RARB: variants seen among roughly 807,000 people sequenced by gnomAD.
The protein encoded by RARB is retinoic acid receptor beta.
RARB carries 17 observed loss-of-function variants against 51.9 expected under a neutral mutation model. That is an observed-to-expected ratio of 0.33 (90% CI 0.22 to 0.49). The LOEUF (loss-of-function observed/expected upper bound fraction) is 0.49, where lower values mean the gene tolerates loss of function less well. Ranked by LOEUF, RARB falls within the 20% of genes least tolerant of loss-of-function variation. The pLI is 0.99. For synonymous variants in RARB, 215 were observed against 195.4 expected, an observed-to-expected ratio of 1.10 and a Z score of -0.84; for missense variants, 369 against 550.8, an observed-to-expected ratio of 0.67 and a Z score of 3.30.
At chr3:25,163,625 G>T (rs989908201) in intron 4 of RARB, among the ~76,000 whole-genome samples, 6 of 151,066 alleles carry the variant, frequency 4.0e-5, no homozygotes, top group African/African-American at 1.5e-4. Flanking sequence ...GGAACACACA[G>T]AAATTAATAA....
chr3:24,974,553 C>G (rs1696470030), intron 2 of RARB, among the ~76,000 whole-genome samples: 1 of 152,076 alleles, frequency 6.6e-6, no homozygotes. Flanking sequence ...TGAAGCAAAT[C>G]TCTTTATTTT....
intron 5 of RARB, among the ~76,000 whole-genome samples, chr3:25,247,372 C>T (rs934733291): frequency 1.3e-5 from 2 of 152,144 alleles, no homozygotes; most frequent in Non-Finnish European, 2.9e-5. Context: ...GGGATACAAA[C>T]AAAAACTCTG....
chr3:24,985,761 T>G (rs1392741688), intron 2 of RARB, among the ~76,000 whole-genome samples: 1 of 152,222 alleles, frequency 6.6e-6, no homozygotes, highest in African/African-American at 2.4e-5. Flanking sequence ...TTTTGTACTT[T>G]GCACAGTAGC....
intron 3 of RARB, among the ~76,000 whole-genome samples, chr3:25,521,254 C>T (rs1004953205): frequency 2.6e-5 from 4 of 152,138 alleles, no homozygotes; most frequent in African/African-American, 4.8e-5. Context: ...AGAACTTCCC[C>T]GGCCTACTTA....
intron 5 of RARB, among the ~76,000 whole-genome samples, chr3:25,373,916 C>T (rs1211967001): frequency 6.6e-6 from 1 of 152,096 alleles, no homozygotes; most frequent in East Asian, 1.9e-4. Flanking sequence ...CGTGAGAAGC[C>T]AGAGCAGTGT....
intron 5 of RARB, among the ~76,000 whole-genome samples, chr3:25,351,979 T>C (rs773109131): frequency 6.6e-6 from 1 of 152,210 alleles, no homozygotes; most frequent in Non-Finnish European, 1.5e-5. Context: ...GAATATCAAA[T>C]GTGTTTTAAG....
At chr3:25,111,532 A>C (rs1388061603) in intron 3 of RARB, among the ~76,000 whole-genome samples, 1 of 150,878 alleles carries the variant, frequency 6.6e-6, no homozygotes, top group African/African-American at 2.4e-5. Flanking sequence ...GCTCTATAAT[A>C]TATATTGCAA....
intron 2 of RARB, among the ~76,000 whole-genome samples, chr3:25,017,875 G>C (rs971130605): frequency 2.0e-5 from 3 of 152,118 alleles, no homozygotes; most frequent in Admixed American, 2.0e-4. Flanking sequence ...TGGGGCCTTT[G>C]GGAGGTGATT....
At chr3:24,909,778 C>G (rs964905885) in intron 2 of RARB, among the ~76,000 whole-genome samples, 1 of 152,068 alleles carries the variant, frequency 6.6e-6, no homozygotes, top group Admixed American at 6.6e-5. Context: ...GTGGTCTACC[C>G]TGACCTATTT....
At chr3:25,174,927 T>A (rs1159426089) in intron 5 of RARB, among the ~76,000 whole-genome samples, 8 of 152,212 alleles carry the variant, frequency 5.3e-5, no homozygotes, top group Admixed American at 2.6e-4. Flanking sequence ...ACCATAAAAA[T>A]CACTAATGAT....
At chr3:25,073,380 T>C (rs1698809438) in intron 3 of RARB, among the ~76,000 whole-genome samples, 1 of 152,222 alleles carries the variant, frequency 6.6e-6, no homozygotes, top group African/African-American at 2.4e-5. Context: ...CTTGATAATC[T>C]CTATGTTAGG....
At chr3:25,177,443 ACT>A (rs1295956509) in intron 5 of RARB, among the ~76,000 whole-genome samples, 1 of 152,120 alleles carries the variant, frequency 6.6e-6, no homozygotes, top group Non-Finnish European at 1.5e-5. Flanking sequence ...TTGGAGAATG[ACT>A]CTGTAAAGAG....
intron 4 of RARB, among the ~76,000 whole-genome samples, chr3:25,133,208 C>T (rs924922678): frequency 2.6e-5 from 4 of 152,082 alleles, no homozygotes; most frequent in African/African-American, 9.6e-5. Flanking sequence ...ATATCTTAAA[C>T]ATTTAACTTG....
At chr3:25,071,857 T>G (rs1698773189) in intron 3 of RARB, among the ~76,000 whole-genome samples, 1 of 152,210 alleles carries the variant, frequency 6.6e-6, no homozygotes. Flanking sequence ...TGTCAAGCTT[T>G]AATGTGCTAC....
intron 4 of RARB, among the ~76,000 whole-genome samples, chr3:25,161,671 A>G (rs1276739149): frequency 6.6e-6 from 1 of 152,176 alleles, no homozygotes; most frequent in Non-Finnish European, 1.5e-5. Context: ...CACTTTTCTT[A>G]GTACATATTC....
chr3:24,877,598 T>C (rs1277190607), intron 2 of RARB, among the ~76,000 whole-genome samples: 1 of 152,096 alleles, frequency 6.6e-6, no homozygotes, highest in Non-Finnish European at 1.5e-5. Flanking sequence ...AGGTTTGAAA[T>C]ACCAGCGTAA....
chr3:25,179,880 A>G (rs1700828254), intron 5 of RARB, among the ~76,000 whole-genome samples: 1 of 152,214 alleles, frequency 6.6e-6, no homozygotes, highest in South Asian at 2.1e-4. Flanking sequence ...TTAAGTAATC[A>G]CATTGCCATT....
intron 2 of RARB, among the ~76,000 whole-genome samples, chr3:25,005,789 G>C (rs1043128591): frequency 6.6e-6 from 1 of 152,118 alleles, no homozygotes; most frequent in Non-Finnish European, 1.5e-5. Context: ...CCAGCCATCA[G>C]AGAAAACTTT....
chr3:25,318,004 G>C (rs942566285), intron 5 of RARB, among the ~76,000 whole-genome samples: 1 of 152,180 alleles, frequency 6.6e-6, no homozygotes, highest in African/African-American at 2.4e-5. Flanking sequence ...CTATTGAATA[G>C]TTAACTAGAG....
Sources: allele counts gnomAD v4.1 joint callset (sites outside exome capture counted in the v4.1 genomes callset), GRCh38; gene constraint gnomAD v4.1.1; transcripts MANE v1.5; gene names NCBI Gene and HGNC (gene_info 2026-07-23, HGNC 2026-07-21).